OR2A12: variants seen among roughly 807,000 people sequenced by gnomAD.
OR2A12 encodes the protein olfactory receptor family 2 subfamily A member 12.
For synonymous variants in OR2A12, 153 were observed against 149.3 expected, an observed-to-expected ratio of 1.02 and a Z score of -0.18; for missense variants, 380 against 372.5, an observed-to-expected ratio of 1.02 and a Z score of -0.17.
In OR2A12 at chr7:144,096,458, A is replaced by AAAAT. The variant is rs34335595; in HGVS notation, c.*438_*441dup. On this transcript the variant is annotated 3_prime_UTR_variant, in exon 2 of 2. Coordinates refer to ENST00000641592, the MANE Select transcript of OR2A12 (RefSeq NM_001004135.2). ...GGCGACAGAGCAAGACTCCCTCTCAAAAATAAATAAATAAATAAATAAAGA... is the reference window on the plus strand; with the variant it reads ...GGCGACAGAGCAAGACTCCCTCTCAAAAATAAATAAATAAATAAATAAATAAAGA... The AAAAT allele has an allele frequency of 0.21, 31,445 of 152,126 alleles. 3,854 individuals carry two copies. The highest frequency in any genetic ancestry group is 0.32 in the African/African-American group (13,212 of 40,698). The allele number at this position is 152,126 out of a possible 1,614,324, so 9.4% of individuals were successfully genotyped here.
At position 144,096,072 on chromosome 7, in the gene OR2A12, C is replaced by A; in HGVS notation, c.*32C>A. On this transcript the variant is annotated 3_prime_UTR_variant, in exon 2 of 2. Coordinates refer to ENST00000641592, the MANE Select transcript of OR2A12 (RefSeq NM_001004135.2). Reference sequence around the variant, plus strand: ...ATTTGAGATATCCTGAGTGTGTAAGCATGGTTCTCATGACCCTGGGTCCTG... The same window carrying A: ...ATTTGAGATATCCTGAGTGTGTAAGAATGGTTCTCATGACCCTGGGTCCTG... The A allele has an allele frequency of 6.9e-7, 1 of 1,441,128 alleles. No homozygotes were observed. The highest frequency in any genetic ancestry group is 9.5e-7 in the Non-Finnish European group (1 of 1,056,102). The allele number at this position is 1,441,128 out of a possible 1,614,324, so 89.3% of individuals were successfully genotyped here.
chr7:144,092,728 T>C (rs1266978094), intron 1 of OR2A12, among the ~76,000 whole-genome samples: 1 of 152,152 alleles, frequency 6.6e-6, no homozygotes, highest in Non-Finnish European at 1.5e-5. Flanking sequence ...AGGAATTTTT[T>C]TTCTATTTAA....
At chr7:144,094,562 A>G (rs1234573114) in intron 1 of OR2A12, among the ~76,000 whole-genome samples, 2 of 152,134 alleles carry the variant, frequency 1.3e-5, no homozygotes, top group Non-Finnish European at 2.9e-5. Flanking sequence ...TAGGGTTTGC[A>G]TTTTGTATTT....
At chr7:144,087,133 G>A (rs1294144441) in intron 1 of OR2A12, among the ~76,000 whole-genome samples, 3 of 152,140 alleles carry the variant, frequency 2.0e-5, no homozygotes, top group East Asian at 1.9e-4. Context: ...TGAAGCTCCA[G>A]GTGTTACATA....
chr7:144,088,212 A>G (rs1327228714), intron 1 of OR2A12, among the ~76,000 whole-genome samples: 2 of 152,126 alleles, frequency 1.3e-5, no homozygotes, highest in Non-Finnish European at 2.9e-5. Context: ...GGGTTTTGCC[A>G]TGTTGGCCAG....
chr7:144,095,668 C>T lies in OR2A12; in HGVS notation c.561C>T (p.Ala187=). 3 of 1,614,098 alleles carry T rather than the reference C, an allele frequency of 1.9e-6. No individual in the cohort carries two copies. Among genetic ancestry groups the T allele is most frequent in the Non-Finnish European group, 2.5e-6 (3 of 1,180,016 alleles). The part of the protein sequence containing the change: ...FCQIMSVFKL[A]CADTRLNQVV... ...AAATCATGTCCGTATTCAAATTGGC[C>T]TGTGCTGACACTAGGCTCAACCAGG... The change falls in exon 2 of 2, where the codon GCC becomes GCT. Residue 187 remains alanine, a synonymous_variant. Transcript: ENST00000641592.
rs1488535024 is a variant in OR2A12, at chr7:144,097,517, A to G, written c.*1477A>G. ...GTGCAGAACTCAACAAACTAATCTT[A>G]AAATTCAAGGGACCAAGGCTAGCTC... On this transcript the variant is annotated 3_prime_UTR_variant, in exon 2 of 2. Transcript: ENST00000641592. 1.3e-5 allele frequency: 2 copies of G among 152,208 alleles called. No homozygotes were observed. The highest frequency in any genetic ancestry group is 4.8e-5 in the African/African-American group (2 of 41,446). The allele number at this position is 152,208 out of a possible 1,614,324, so 9.4% of individuals were successfully genotyped here.
intron 1 of OR2A12, among the ~76,000 whole-genome samples, chr7:144,091,717 AT>A (rs1367253564): frequency 2.6e-5 from 4 of 151,382 alleles, no homozygotes; most frequent in African/African-American, 9.7e-5. Context: ...TTTTTTGTAA[AT>A]TTGTTTAAGT....
intron 1 of OR2A12, among the ~76,000 whole-genome samples, chr7:144,089,035 G>C (rs1339021491): frequency 6.6e-6 from 1 of 152,110 alleles, no homozygotes; most frequent in African/African-American, 2.4e-5. Flanking sequence ...TAATGCAAGG[G>C]GAAAGCTTTT....
intron 1 of OR2A12, among the ~76,000 whole-genome samples, chr7:144,088,769 G>A (rs2051205947): frequency 6.6e-6 from 1 of 152,122 alleles, no homozygotes; most frequent in Admixed American, 6.5e-5. Context: ...ACAAAATCAT[G>A]GTGGTGTAAA....
chr7:144,087,689 T>TA (rs1485248927), intron 1 of OR2A12, among the ~76,000 whole-genome samples: 3 of 152,220 alleles, frequency 2.0e-5, no homozygotes, highest in Admixed American at 6.5e-5. Flanking sequence ...TGTGTTTTCT[T>TA]ACAATTTAAA....
intron 1 of OR2A12, among the ~76,000 whole-genome samples, chr7:144,092,352 C>A (rs2051232960): frequency 6.6e-6 from 1 of 151,732 alleles, no homozygotes. Context: ...TTTTTTGTTT[C>A]ATATGAGTTT....
chr7:144,089,632 T>TAAATA (rs1483523776), intron 1 of OR2A12, among the ~76,000 whole-genome samples: 2 of 152,146 alleles, frequency 1.3e-5, no homozygotes, highest in Non-Finnish European at 2.9e-5. Context: ...ATTTACTTTG[T>TAAATA]AATTTTGGAA....
chr7:144,097,886 T>G lies in OR2A12; in HGVS notation c.*1846T>G, dbSNP rs1045585940. On this transcript the variant is annotated 3_prime_UTR_variant, in exon 2 of 2. Transcript: ENST00000641592. ...AGAACTCTAAAGCTTTTAGAAGATA[T>G]ACAAGAGAAGGATTTTTTAAACAAT... 6.6e-6 allele frequency: 1 copy of G among 152,172 alleles called. No homozygotes were observed. The highest frequency in any genetic ancestry group is 2.4e-5 in the African/African-American group (1 of 41,438). 9.4% of individuals were successfully genotyped at this position (152,172 alleles called of 1,614,324 possible).
Position 144,095,981 on chromosome 7 carries a change from A to C in OR2A12, c.874A>C (p.Arg292=). The C allele has an allele frequency of 1.9e-6, 3 of 1,613,446 alleles. No individual in the cohort carries two copies. The highest frequency in any genetic ancestry group is 2.5e-6 in the Non-Finnish European group (3 of 1,179,734). Residue 292 remains arginine, a synonymous_variant, in exon 2 of 2, where the codon AGG becomes CGG. Coordinates refer to ENST00000641592, the MANE Select transcript of OR2A12 (RefSeq NM_001004135.2). Reference sequence around the variant, plus strand: ...CCTGAACCCCCTCATCTACAGCCTTAGGAATGCAGAGGTGAAAGGGGCTCT... The same window carrying C: ...CCTGAACCCCCTCATCTACAGCCTTCGGAATGCAGAGGTGAAAGGGGCTCT... ...PILNPLIYSL[R]NAEVKGALKR...
Position 144,096,212 on chromosome 7 carries a change from T to C in OR2A12, c.*172T>C. The C allele has an allele frequency of 5.6e-6, 3 of 537,516 alleles. No individual in the cohort carries two copies. The highest frequency in any genetic ancestry group is 9.7e-6 in the Non-Finnish European group (3 of 310,014). 33.3% of individuals were successfully genotyped at this position (537,516 alleles called of 1,614,324 possible). On this transcript the variant is annotated 3_prime_UTR_variant, in exon 2 of 2. Coordinates refer to ENST00000641592, the MANE Select transcript of OR2A12 (RefSeq NM_001004135.2). ...GCTGAAGCCTGTAATCCCAACACTT[T>C]GGGAGGCTGACCTGGGCGGATTACC... is the stretch of plus-strand genomic sequence containing the variant.
intron 1 of OR2A12, among the ~76,000 whole-genome samples, chr7:144,091,934 T>A (rs903291396): frequency 1.3e-5 from 2 of 152,298 alleles, no homozygotes; most frequent in East Asian, 3.9e-4. Flanking sequence ...CATTTCTATG[T>A]CCAGAACAGT....
chr7:144,088,479 C>A (rs183709511), intron 1 of OR2A12, among the ~76,000 whole-genome samples: 1 of 152,224 alleles, frequency 6.6e-6, no homozygotes, highest in East Asian at 1.9e-4. Context: ...CTATTCTGGA[C>A]CTTCTGCATT....
rs367702905 is a variant in OR2A12, at chr7:144,095,281, G to C, written c.174G>C (p.Met58Ile). 66 of 1,613,960 alleles carry C rather than the reference G, an allele frequency of 4.1e-5. No homozygotes were observed. The highest frequency in any genetic ancestry group is 5.0e-5 in the Non-Finnish European group (59 of 1,180,008). The change falls in exon 2 of 2, where the codon ATG (methionine) becomes ATC (isoleucine). Residue 58 changes from methionine to isoleucine, a missense_variant. Coordinates refer to ENST00000641592, the MANE Select transcript of OR2A12 (RefSeq NM_001004135.2). ...TGGACTCTAGACTGCACACACCCAT[G>C]TATGTCTTCCTGTCACACCTGGCCA... The part of the protein sequence containing the change: ...IYLDSRLHTP[M>I]YVFLSHLAIV...
Sources: gnomAD v4.1 joint callset for allele counts (sites outside exome capture counted in the v4.1 genomes callset) on GRCh38, gnomAD v4.1.1 for gene constraint, MANE v1.5 for transcripts, NCBI Gene and HGNC (gene_info 2026-07-23, HGNC 2026-07-21) for gene names.